Variants in MTERF4 observed in about 807,000 individuals in gnomAD.
The protein encoded by MTERF4 is mitochondrial transcription termination factor 4, also known as transcription termination factor 4, mitochondrial.
In MTERF4, 17 loss-of-function variants were observed where a neutral mutation model predicts 22.5. That is an observed-to-expected ratio of 0.75 (90% CI 0.52 to 1.13). The LOEUF is 1.13. Among genes scored for constraint, MTERF4 ranks in the 50% most tolerant of loss-of-function variants. The probability of loss-of-function intolerance (pLI) is 0.00; values close to 1 mark genes in which losing one functional copy is unlikely to be tolerated. For synonymous variants in MTERF4, 165 were observed against 175.3 expected, an observed-to-expected ratio of 0.94 and a Z score of 0.47; for missense variants, 420 against 466.8, an observed-to-expected ratio of 0.90 and a Z score of 0.92.
chr2:241,049,668 A>C, the MTERF4 span: 1 of 621,406 alleles, frequency 1.6e-6, no homozygotes, highest in Non-Finnish European at 2.9e-6. Flanking sequence ...ACTCTGAGGA[A>C]TCAAGATGCC....
downstream of MTERF4, chr2:241,088,533 T>A: frequency 1.3e-6 from 1 of 759,818 alleles, no homozygotes. Context: ...GGTCCTGTGC[T>A]GCTGTGTTAC....
the MTERF4 span, among the ~76,000 whole-genome samples, chr2:241,054,389 G>A: frequency 6.6e-6 from 1 of 152,246 alleles, no homozygotes; most frequent in African/African-American, 2.4e-5. Context: ...GCAACATAGG[G>A]AGACCTCATC....
chr2:241,071,358 A>G (rs895560977), downstream of MTERF4: 3 of 603,420 alleles, frequency 5.0e-6, no homozygotes, highest in African/African-American at 3.7e-5. Context: ...ATGGCTGCGC[A>G]TGGCTCCTCC....
At chr2:241,055,337 G>A in the MTERF4 span, among the ~76,000 whole-genome samples, 179 of 152,244 alleles carry the variant, frequency 1.2e-3, no homozygotes, top group African/African-American at 3.8e-3. Context: ...AGTAAAATAC[G>A]AGAATATCCT....
At chr2:241,087,707 T>C (rs1459957200), downstream of MTERF4, 6 of 1,356,098 alleles carry the variant, frequency 4.4e-6, no homozygotes, top group East Asian at 2.7e-5. Flanking sequence ...CTGGGGGGGG[T>C]CACTCTGGTT....
the MTERF4 span, chr2:241,052,386 G>A: frequency 6.3e-7 from 1 of 1,591,606 alleles, no homozygotes; most frequent in Admixed American, 1.7e-5. Context: ...GCCCGTGTGT[G>A]AATGGGGGCA....
In MTERF4 at chr2:241,096,202, T is replaced by G; in HGVS notation, c.942A>C (p.Gln314His). The G allele has an allele frequency of 6.2e-7, 1 of 1,614,116 alleles. No homozygotes were observed. The highest frequency in any genetic ancestry group is 8.5e-7 in the Non-Finnish European group (1 of 1,180,018). The stretch of plus-strand genomic sequence containing the variant: ...CCCGAGCCAGGAGCTTCTTAAAAAC[T>G]TGAAACTCCTCAACAGAAGTACAGG... ...RTACTSVEEF[Q>H]VFKKLLAREE... Residue 314 changes from glutamine to histidine, a missense_variant, in exon 4 of 4, where the codon CAA becomes CAC. Transcript: ENST00000391980. This position sits in a 1 kb window ranked among gnomAD's most constrained non-coding sequence, Gnocchi z 5.1.
At chr2:241,064,999 G>C in the MTERF4 span, 1 of 1,440,350 alleles carries the variant, frequency 6.9e-7, no homozygotes, top group Non-Finnish European at 9.4e-7. This position sits in a 1 kb window ranked among gnomAD's most constrained non-coding sequence, Gnocchi z 7.0. Context: ...CCACGAGGGG[G>C]TCCCCTCTCC....
the MTERF4 span, among the ~76,000 whole-genome samples, chr2:241,042,878 G>T: frequency 6.6e-6 from 1 of 152,166 alleles, no homozygotes; most frequent in Admixed American, 6.5e-5. Flanking sequence ...ACGATATTAG[G>T]GTAATAGGAT....
chr2:241,081,803 G>A (rs2063340902), intron 4 of MTERF4: 1 of 1,562,734 alleles, frequency 6.4e-7, no homozygotes, highest in Admixed American at 1.9e-5. Flanking sequence ...GGTAAGTCGG[G>A]GCTTGGCCTC....
the MTERF4 span, among the ~76,000 whole-genome samples, chr2:241,064,403 C>T: frequency 6.6e-6 from 1 of 152,154 alleles, no homozygotes; most frequent in East Asian, 1.9e-4. This position sits in a 1 kb window ranked among gnomAD's most constrained non-coding sequence, Gnocchi z 7.0. Context: ...GGCCTCACGT[C>T]CACACATAGG....
At chr2:241,048,363 G>A in the MTERF4 span, 1 of 1,611,644 alleles carries the variant, frequency 6.2e-7, no homozygotes, top group Non-Finnish European at 8.5e-7. Flanking sequence ...TGCCACAATG[G>A]GGGCACCTGT....
chr2:241,052,580 G>A, the MTERF4 span: 1 of 867,762 alleles, frequency 1.2e-6, no homozygotes, highest in Non-Finnish European at 1.9e-6. Flanking sequence ...CAGGTGAGAG[G>A]GCCAGGGGGC....
At chr2:241,061,254 C>A in the MTERF4 span, among the ~76,000 whole-genome samples, 13 of 151,832 alleles carry the variant, frequency 8.6e-5, no homozygotes, top group East Asian at 2.1e-3. Context: ...AAAAGGCCAA[C>A]AAACATAAAA....
chr2:241,085,094 G>A (rs978193884), downstream of MTERF4, among the ~76,000 whole-genome samples: 1 of 151,664 alleles, frequency 6.6e-6, no homozygotes, highest in Non-Finnish European at 1.5e-5. Flanking sequence ...TGTGCTTCTC[G>A]GTATGGCTAC....
chr2:241,100,516 T>G (rs1575199264), intron 1 of MTERF4, among the ~76,000 whole-genome samples: 1 of 152,098 alleles, frequency 6.6e-6, no homozygotes, highest in East Asian at 1.9e-4. Flanking sequence ...CAGGCTGGAG[T>G]GCAGTGGTGC....
intron 4 of MTERF4, among the ~76,000 whole-genome samples, chr2:241,078,377 C>T (rs1157027766): frequency 2.9e-5 from 3 of 101,822 alleles, no homozygotes; most frequent in East Asian, 2.9e-4. Flanking sequence ...AACTAGACTC[C>T]GTCTCAAAAA....
the MTERF4 span, chr2:241,065,419 A>G: frequency 9.3e-6 from 15 of 1,612,920 alleles, no homozygotes; most frequent in African/African-American, 1.7e-4. Flanking sequence ...GCGGTCACCT[A>G]CGTCTCCTCC....
chr2:241,066,571 G>T, the MTERF4 span, among the ~76,000 whole-genome samples: 2 of 151,918 alleles, frequency 1.3e-5, no homozygotes, highest in Non-Finnish European at 2.9e-5. Context: ...GGGTGCTAGA[G>T]GCTCGAGGAA....
Sources: gnomAD v4.1 joint callset for allele counts (sites outside exome capture counted in the v4.1 genomes callset) on GRCh38, gnomAD v4.1.1 for gene constraint, Gnocchi (gnomAD v3.1) non-coding constraint, MANE v1.5 for transcripts, NCBI Gene and HGNC (gene_info 2026-07-23, HGNC 2026-07-21) for gene names.